STARD9: variants seen among roughly 807,000 people sequenced by gnomAD.
STARD9 encodes the protein stAR-related lipid transfer protein 9.
STARD9 carries 346 observed loss-of-function variants against 399.8 expected under a neutral mutation model. The ratio of observed to expected loss-of-function variants is 0.87; its 90% CI spans 0.79 to 0.95. STARD9 has a LOEUF of 0.95. STARD9 is among the 40% of genes least tolerant of loss of function. STARD9 has a pLI of 0.00. For missense variants in STARD9, 5,832 were observed against 5,667.5 expected (o/e 1.03, Z -0.93); for synonymous variants, 2,203 against 2,143.5 (o/e 1.03, Z -0.77).
chr15:42,706,715 G>A (rs2061094530), intron 26 of STARD9, among the ~76,000 whole-genome samples: 1 of 152,142 alleles, frequency 6.6e-6, no homozygotes, highest in Non-Finnish European at 1.5e-5. Flanking sequence ...CTCCCAAAAT[G>A]CTGAGATTAC....
At chr15:42,613,531 A>T (rs141762206) in intron 3 of STARD9, among the ~76,000 whole-genome samples, 109 of 152,326 alleles carry the variant, frequency 7.2e-4, no homozygotes, top group African/African-American at 2.5e-3. Flanking sequence ...TGCCTCAGTT[A>T]TCTATAAAAT....
chr15:42,591,709 G>GCTTTGGCA (rs1338129842), intron 3 of STARD9, among the ~76,000 whole-genome samples: 1 of 152,154 alleles, frequency 6.6e-6, no homozygotes, highest in Non-Finnish European at 1.5e-5. Context: ...ATTCCTTAGT[G>GCTTTGGCA]CTTTGGCACT....
Position 42,684,895 on chromosome 15 carries a change from A to T in STARD9, c.3317A>T (p.Asn1106Ile). 1 of 1,537,118 alleles carries T rather than the reference A, an allele frequency of 6.5e-7. No homozygotes were observed. The highest frequency in any genetic ancestry group is 8.7e-7 in the Non-Finnish European group (1 of 1,146,912). Residue 1106 changes from asparagine to isoleucine, a missense_variant, in exon 23 of 33, where the codon AAC becomes ATC. Asn to Ile is a moderately radical substitution (Grantham distance 149). This residue lies in a region of STARD9 where 5,828 missense variants were observed against 5,651.1 expected (regional missense o/e 1.03). Coordinates refer to ENST00000290607, the MANE Select transcript of STARD9 (RefSeq NM_020759.3). ...AATGATTTATCTGACACAGATAGCA[A>T]CTACTCATTGGATTCTCTCTCATGT... ...KDNDLSDTDS[N>I]YSLDSLSCVY...
At chr15:42,634,694 A>G (rs975171653) in intron 3 of STARD9, among the ~76,000 whole-genome samples, 162 bp from the exon 4 acceptor site, 1 of 152,184 alleles carries the variant, frequency 6.6e-6, no homozygotes, top group Non-Finnish European at 1.5e-5. Context: ...AATTTTCCTT[A>G]GCTATCTTTT....
intron 8 of STARD9, among the ~76,000 whole-genome samples, chr15:42,652,254 T>A (rs2059776774): frequency 1.3e-5 from 2 of 148,310 alleles, no homozygotes; most frequent in African/African-American, 2.6e-5. Flanking sequence ...TTCACTTGAA[T>A]TTTTGCTTCT....
intron 3 of STARD9, among the ~76,000 whole-genome samples, chr15:42,591,736 G>A (rs1291311319): frequency 6.6e-6 from 1 of 152,184 alleles, no homozygotes; most frequent in Admixed American, 6.5e-5. Context: ...GGTCCTTAGT[G>A]GTGAAATGCC....
At chr15:42,694,854 A>C (rs766995861) in intron 24 of STARD9, 129 bp downstream of exon 24, 12 of 520,616 alleles carry the variant, frequency 2.3e-5, no homozygotes, top group Non-Finnish European at 3.4e-5. Flanking sequence ...AAGAGGACAT[A>C]GAAGGGAATG....
chr15:42,596,031 G>A (rs1319605189), intron 3 of STARD9, among the ~76,000 whole-genome samples: 1 of 152,184 alleles, frequency 6.6e-6, no homozygotes, highest in Non-Finnish European at 1.5e-5. Context: ...GCTGCTCGTG[G>A]CACATGACTA....
In STARD9 at chr15:42,614,250, G is replaced by T. The variant is rs181167607; in HGVS notation, c.235-20606G>T. Among the ~76,000 whole-genome samples the T allele has an allele frequency of 7.2e-3, 1,089 of 151,886 alleles. 9 individuals carry two copies. Among genetic ancestry groups the T allele is most frequent in the Non-Finnish European group, 0.01 (712 of 67,954 alleles). On this transcript the variant is annotated intron_variant, in intron 3 of 32. Coordinates refer to ENST00000290607, the MANE Select transcript of STARD9 (RefSeq NM_020759.3). ...CACTTGAACCTGGGAGGTGGAGGTT[G>T]CAGTGAGCCAAGATCGTGCCATTGC... is the stretch of plus-strand genomic sequence containing the variant.
chr15:42,684,537 C>T lies in STARD9; in HGVS notation c.2959C>T (p.Gln987Ter). 6.5e-7 allele frequency: 1 copy of T among 1,537,250 alleles called. No homozygotes were observed. Among genetic ancestry groups the T allele is most frequent in the Non-Finnish European group, 8.7e-7 (1 of 1,146,924 alleles). Reference sequence around the variant, plus strand: ...GGGACTAGCAGACCCTAGCCACACACAAGCTGGGTGGCGAAAAGAAGGGAA... The same window carrying T: ...GGGACTAGCAGACCCTAGCCACACATAAGCTGGGTGGCGAAAAGAAGGGAA... Reference protein sequence around the residue: ...AKGLADPSHTQAGWRKEGNLG... With the variant: ...AKGLADPSHT Residue 987 changes from glutamine (Q) to a stop codon, truncating the protein, a stop_gained, in exon 23 of 33, where the codon CAA becomes TAA. Coordinates refer to ENST00000290607, the MANE Select transcript of STARD9 (RefSeq NM_020759.3). LOFTEE classifies it high-confidence loss of function.
Position 42,690,624 on chromosome 15 carries a change from G to T in STARD9, c.9046G>T (p.Gly3016Ter). Residue 3016 changes from glycine (G) to a stop codon, truncating the protein, a stop_gained, in exon 23 of 33, where the codon GGA becomes TGA. Coordinates refer to ENST00000290607, the MANE Select transcript of STARD9 (RefSeq NM_020759.3). LOFTEE classifies it high-confidence loss of function. The stretch of plus-strand genomic sequence containing the variant: ...GGATGAGACAGGAGAGATCTCTAGG[G>T]GACCTGATGTGCACTTGACACATGG... Reference protein sequence around the residue: ...EMDETGEISRGPDVHLTHGLE... With the variant: ...EMDETGEISR 2 of 1,537,202 alleles carry T rather than the reference G, an allele frequency of 1.3e-6. No individual in the cohort carries two copies. The highest frequency in any genetic ancestry group is 1.7e-6 in the Non-Finnish European group (2 of 1,146,904).
chr15:42,686,643 G>A lies in STARD9; in HGVS notation c.5065G>A (p.Asp1689Asn), dbSNP rs1038810422. ...AGTCCAGCCAGGGCAATTAAGTCCCGACAGCCACTACCCACTAGAGGAAGA... is the reference window on the plus strand; with the variant it reads ...AGTCCAGCCAGGGCAATTAAGTCCCAACAGCCACTACCCACTAGAGGAAGA... The part of the protein sequence containing the change: ...SAVQPGQLSP[D>N]SHYPLEEEKT... The change falls in exon 23 of 33, where the codon GAC becomes AAC. Residue 1689 changes from aspartate to asparagine, a missense_variant. Around this residue, in one of 2 missense-constraint regions of STARD9, gnomAD observed 5,828 missense variants for 5,651.1 expected, o/e 1.03. Coordinates refer to ENST00000290607, the MANE Select transcript of STARD9 (RefSeq NM_020759.3). The A allele has an allele frequency of 4.6e-6, 7 of 1,537,074 alleles. No homozygotes were observed. The highest frequency in any genetic ancestry group is 1.4e-5 in the African/African-American group (1 of 73,014).
intron 3 of STARD9, among the ~76,000 whole-genome samples, chr15:42,588,246 A>G (rs922233953): frequency 2.0e-5 from 3 of 151,942 alleles, no homozygotes; most frequent in Non-Finnish European, 4.4e-5. Flanking sequence ...GTGTATTAGT[A>G]TCATTAAGCT....
intron 3 of STARD9, among the ~76,000 whole-genome samples, chr15:42,621,675 A>C (rs1196257581): frequency 6.6e-6 from 1 of 152,248 alleles, no homozygotes; most frequent in Admixed American, 6.5e-5. Context: ...ACTTGTTACA[A>C]AAGTAGGTTA....
intron 4 of STARD9, 41 bp from the exon 5 acceptor site, chr15:42,637,866 C>T: frequency 6.5e-7 from 1 of 1,533,834 alleles, no homozygotes; most frequent in Non-Finnish European, 8.7e-7. Flanking sequence ...AGAGCATCAT[C>T]TTAAGTAAAC....
chr15:42,587,384 A>C (rs2058297825), intron 3 of STARD9, among the ~76,000 whole-genome samples: 1 of 152,208 alleles, frequency 6.6e-6, no homozygotes, highest in Non-Finnish European at 1.5e-5. Flanking sequence ...TTGCTGTCAC[A>C]GTGGGCCTCT....
chr15:42,590,325 G>A (rs944197985), intron 3 of STARD9, among the ~76,000 whole-genome samples: 1 of 152,104 alleles, frequency 6.6e-6, no homozygotes, highest in African/African-American at 2.4e-5. Flanking sequence ...TTGGAAGCAT[G>A]GATTCTAACT....
At position 42,686,040 on chromosome 15, in the gene STARD9, C is replaced by T; in HGVS notation, c.4462C>T (p.Gln1488Ter). ...STHERDWSAL[Q>*]QKYLLELSCP... is the part of the protein sequence containing the mutation. ...CCATGAAAGGGATTGGTCTGCCCTT[C>T]AGCAGAAGTACCTCCTTGAACTCTC... Residue 1488 changes from glutamine to a stop codon, truncating the protein, a stop_gained, in exon 23 of 33, where the codon CAG becomes TAG. Transcript: ENST00000290607. LOFTEE classifies it high-confidence loss of function. 2 of 1,537,334 alleles carry T rather than the reference C, an allele frequency of 1.3e-6. No individual in the cohort carries two copies. The highest frequency in any genetic ancestry group is 1.7e-6 in the Non-Finnish European group (2 of 1,146,916).
Position 42,585,625 on chromosome 15 carries a change from A to G in STARD9, c.222A>G (p.Ala74=). The G allele has an allele frequency of 6.5e-7, 1 of 1,529,030 alleles. No homozygotes were observed. The highest frequency in any genetic ancestry group is 8.8e-7 in the Non-Finnish European group (1 of 1,139,484). The allele number at this position is 1,529,030 out of a possible 1,614,324, so 94.7% of individuals were successfully genotyped here. A position where few individuals can be genotyped will look rare whatever the true frequency, so the allele number is the denominator to read the frequency against. The change falls in exon 3 of 33, where the codon GCA becomes GCG. Residue 74 remains alanine (A), a synonymous_variant. Coordinates refer to ENST00000290607, the MANE Select transcript of STARD9 (RefSeq NM_020759.3). ...WSVNPEDPQY[A]SQDVVFQDLG... is the part of the protein sequence containing the mutation. The stretch of plus-strand genomic sequence containing the variant: ...TCAACCCAGAGGATCCCCAGTATGC[A>G]TCTCAAGATGTGGTAATATCATTTA...
Sources: gnomAD v4.1 joint callset for allele counts (sites outside exome capture counted in the v4.1 genomes callset) on GRCh38, gnomAD v4.1.1 for gene constraint, gnomAD v4.1.1 regional missense constraint, MANE v1.5 for transcripts, NCBI Gene and HGNC (gene_info 2026-07-23, HGNC 2026-07-21) for gene names.